Variants in HDAC11 observed in about 807,000 individuals in gnomAD.
HDAC11 encodes histone deacetylase 11.
In HDAC11, 23 loss-of-function variants were observed where a neutral mutation model predicts 41.1. The observed-to-expected ratio is 0.56, with a 90% CI of 0.40 to 0.79. The LOEUF (loss-of-function observed/expected upper bound fraction) is 0.79, where lower values mean the gene tolerates loss of function less well. Ranked by LOEUF, HDAC11 falls within the 30% of genes least tolerant of loss-of-function variation. HDAC11 has a pLI of 0.00. For missense variants in HDAC11, 402 were observed against 477.3 expected, an observed-to-expected ratio of 0.84 and a Z score of 1.47; for synonymous variants, 187 against 186.6, an observed-to-expected ratio of 1.00 and a Z score of -0.02.
At chr3:13,481,084 A>T in intron 1 of HDAC11, 162 bp from the exon 2 acceptor site, 1 of 712,870 alleles carries the variant, frequency 1.4e-6, no homozygotes, top group African/African-American at 1.8e-5. Context: ...GTTCCGGGAA[A>T]GGCAGCCAGT....
chr3:13,504,118 T>C lies in HDAC11; in HGVS notation c.674T>C (p.Leu225Pro). The part of the protein sequence containing the change: ...AKQAIRRKVE[L>P]EWGTEDDEYL... ...GAGGCCATCAGGCGGAAGGTGGAGC[T>C]GGAGTGGGGCACAGAGGATGATGAG... The change falls in exon 9 of 10, where the codon CTG (leucine) becomes CCG (proline). Residue 225 changes from leucine (L) to proline (P), a missense_variant. Physicochemically the swap from Leu to Pro is moderately conservative, Grantham distance 98. Coordinates refer to ENST00000295757, the MANE Select transcript of HDAC11 (RefSeq NM_024827.4). The C allele has an allele frequency of 6.2e-7, 1 of 1,614,010 alleles. No homozygotes were observed.
Position 13,480,576 on chromosome 3 carries a change from T to TGGGCCC in HDAC11, c.2+230_2+235dup, listed in dbSNP as rs1474374400. On this transcript the variant is annotated intron_variant, in intron 1 of 9. Transcript: ENST00000295757. The surrounding 1 kb of genome is among the most constrained non-coding windows in gnomAD (Gnocchi z 4.6). The stretch of plus-strand genomic sequence containing the variant: ...GAGGGACGCGCGCCGGCCGCGGGCC[T>TGGGCCC]GGGCCCGGACCCGGAGCGGTCGGGC... 3 of 303,304 alleles carry TGGGCCC rather than the reference T, an allele frequency of 9.9e-6. No homozygotes were observed. Among genetic ancestry groups the TGGGCCC allele is most frequent in the African/African-American group, 2.2e-5 (1 of 44,750 alleles). 18.8% of individuals were successfully genotyped at this position (303,304 alleles called of 1,614,324 possible).
Sources: gnomAD v4.1 joint callset for allele counts on GRCh38, gnomAD v4.1.1 for gene constraint, Gnocchi (gnomAD v3.1) non-coding constraint, MANE v1.5 for transcripts, NCBI Gene and HGNC (gene_info 2026-07-23, HGNC 2026-07-21) for gene names.